The following SORL1 variants were observed in gnomAD, a reference collection of about 807,000 sequenced individuals.
The protein encoded by SORL1 is sortilin-related receptor.
A neutral mutation model predicts 273.7 loss-of-function variants in SORL1; 127 were observed. The observed-to-expected ratio is 0.46, with a 90% CI of 0.40 to 0.54. The LOEUF (loss-of-function observed/expected upper bound fraction) is 0.54. Among genes scored for constraint, SORL1 ranks in the 20% least tolerant of loss-of-function variants. The pLI is 0.00. For synonymous variants in SORL1, 1,031 were observed against 1,067.4 expected, an observed-to-expected ratio of 0.97 and a Z score of 0.66; for missense variants, 2,494 against 2,846.1, an observed-to-expected ratio of 0.88 and a Z score of 2.81.
At chr11:121,620,876 A>G (rs894140597) in intron 43 of SORL1, among the ~76,000 whole-genome samples, 188 bp from the exon 44 acceptor site, 6 of 152,212 alleles carry the variant, frequency 3.9e-5, no homozygotes, top group Non-Finnish European at 8.8e-5. Context: ...CTATGAGTGA[A>G]TAGTTATTTT....
chr11:121,632,749 G>C lies in SORL1; in HGVS notation c.*3186G>C, dbSNP rs922265075. 6.6e-6 allele frequency: 1 copy of C among 152,074 alleles called. No individual in the cohort carries two copies. The highest frequency in any genetic ancestry group is 1.5e-5 in the Non-Finnish European group (1 of 68,030). The allele number at this position is 152,074 out of a possible 1,614,324, so 9.4% of individuals were successfully genotyped here. A position where few individuals can be genotyped will look rare whatever the true frequency, so the allele number is the denominator to read the frequency against. On this transcript the variant is annotated 3_prime_UTR_variant, in exon 48 of 48. Coordinates refer to ENST00000260197, the MANE Select transcript of SORL1 (RefSeq NM_003105.6). ...AATGCTGCCTTCAGATGCTTACCAA[G>C]TGGTCACTGCATCTAGTAAGATTAT...
intron 6 of SORL1, among the ~76,000 whole-genome samples, chr11:121,504,948 CAT>C (rs1436343263): frequency 6.6e-6 from 1 of 152,072 alleles, no homozygotes; most frequent in Non-Finnish European, 1.5e-5. Context: ...TTGCAATGAT[CAT>C]ATGTTTCTTT....
In SORL1 at chr11:121,588,022, C is replaced by T. The variant is rs377292128; in HGVS notation, c.3817C>T (p.Pro1273Ser). Residue 1273 changes from proline to serine, a missense_variant and splice_region_variant, in exon 28 of 48, where the codon CCC (proline) becomes TCC (serine). Around this residue, in one of 3 missense-constraint regions of SORL1, gnomAD observed 1,609 missense variants for 1,816.4 expected, o/e 0.89. Coordinates refer to ENST00000260197, the MANE Select transcript of SORL1 (RefSeq NM_003105.6). ...SDGSDEQHCEPLCTHFMDFVC... is the reference protein window; with the variant it reads ...SDGSDEQHCESLCTHFMDFVC... Reference sequence around the variant, plus strand: ...TCCCTTCTCTGGATCCCTTACAGAGCCCCTCTGTACGCACTTCATGGACTT... The same window carrying T: ...TCCCTTCTCTGGATCCCTTACAGAGTCCCTCTGTACGCACTTCATGGACTT... The T allele has an allele frequency of 5.8e-5, 94 of 1,612,758 alleles. No homozygotes were observed. Among genetic ancestry groups the T allele is most frequent in the Non-Finnish European group, 7.5e-5 (89 of 1,179,266 alleles).
rs1445714839 is a variant in SORL1, at chr11:121,522,595, G to A, written c.1414G>A (p.Gly472Ser). 6.2e-7 allele frequency: 1 copy of A among 1,613,434 alleles called. No homozygotes were observed. Among genetic ancestry groups the A allele is most frequent in the East Asian group, 2.2e-5 (1 of 44,868 alleles). ...GEKINCELSQ[G>S]CSLHLAQRLS... ...AACTTTGGTTGTATAGCTTTCCCAG[G>A]GCTGTTCCCTTCATCTGGCTCAGCG... The change falls in exon 10 of 48, where the codon GGC becomes AGC. Residue 472 changes from glycine to serine, a missense_variant. By Grantham distance (56) the Gly-to-Ser change is moderately conservative. Transcript: ENST00000260197.
In SORL1 at chr11:121,522,566, C is replaced by G. The variant is rs765073053; in HGVS notation, c.1405-20C>G. 6.3e-7 allele frequency: 1 copy of G among 1,581,640 alleles called. No individual in the cohort carries two copies. Among genetic ancestry groups the G allele is most frequent in the East Asian group, 2.2e-5 (1 of 44,726 alleles). The stretch of plus-strand genomic sequence containing the variant: ...GCATGGTATCATGTGCTGACACTGC[C>G]TGAAACTTTGGTTGTATAGCTTTCC... On this transcript the variant is annotated intron_variant, in intron 9 of 47. Coordinates refer to ENST00000260197, the MANE Select transcript of SORL1 (RefSeq NM_003105.6).
chr11:121,534,336 G>A (rs1862240804), intron 12 of SORL1, among the ~76,000 whole-genome samples: 1 of 152,194 alleles, frequency 6.6e-6, no homozygotes, highest in Non-Finnish European at 1.5e-5. Context: ...CGGTGCATAT[G>A]TGCTCAGGGA....
rs113246162 is a variant in SORL1, at chr11:121,586,313, C to T, written c.3798C>T (p.Ser1266=). The T allele has an allele frequency of 1.8e-3, 2,866 of 1,613,714 alleles. 30 individuals are homozygous for T. The African/African-American group carries it at 0.029, about 16-fold the overall frequency. The part of the protein sequence containing the change: ...CDGLRDCSDG[S]DEQHCEPLCT... ...GTCTGCGTGATTGCTCTGATGGCTC[C>T]GATGAACAGCACTGCGGTGAGTTCA... The change falls in exon 27 of 48, where the codon TCC becomes TCT. Residue 1266 remains serine, a synonymous_variant. Transcript: ENST00000260197.
intron 22 of SORL1, among the ~76,000 whole-genome samples, chr11:121,569,269 G>A (rs149808443): frequency 3.3e-5 from 5 of 152,154 alleles, no homozygotes; most frequent in South Asian, 2.1e-4. Flanking sequence ...ACAAATTGTA[G>A]AGCATGTGTG....
At chr11:121,611,026 C>T (rs1265246201) in intron 38 of SORL1, 50 bp from the exon 39 acceptor site, 2 of 1,292,822 alleles carry the variant, frequency 1.5e-6, no homozygotes, top group East Asian at 2.3e-5. Flanking sequence ...TCCTGCCTTC[C>T]TCACTTTTCA....
chr11:121,509,677 A>G (rs1026955193), intron 6 of SORL1, among the ~76,000 whole-genome samples: 6 of 152,136 alleles, frequency 3.9e-5, no homozygotes, highest in East Asian at 3.9e-4. Flanking sequence ...GGGTTTCACC[A>G]TGTCGGCCAG....
At chr11:121,460,641 C>A (rs1010841057) in intron 1 of SORL1, among the ~76,000 whole-genome samples, 1 of 152,042 alleles carries the variant, frequency 6.6e-6, no homozygotes, top group African/African-American at 2.4e-5. Flanking sequence ...CGTGATTCAC[C>A]CACCTTGGCC....
intron 3 of SORL1, among the ~76,000 whole-genome samples, chr11:121,485,672 T>C (rs1268440355): frequency 6.6e-6 from 1 of 152,172 alleles, no homozygotes; most frequent in African/African-American, 2.4e-5. Context: ...TCTGGGGAAA[T>C]CTTTTCAAAT....
chr11:121,478,892 T>TTG (rs147933674), intron 3 of SORL1, among the ~76,000 whole-genome samples: 2 of 150,212 alleles, frequency 1.3e-5, no homozygotes, highest in African/African-American at 2.5e-5. Context: ...GTGTGTGTGC[T>TTG]TGTGTGTGTG....
intron 2 of SORL1, among the ~76,000 whole-genome samples, chr11:121,476,945 C>T (rs1182703412): frequency 1.3e-5 from 2 of 151,896 alleles, no homozygotes; most frequent in Non-Finnish European, 2.9e-5. Flanking sequence ...GCTCAAACCA[C>T]CAAGCCAGGC....
chr11:121,453,852 G>T (rs995122201), intron 1 of SORL1, among the ~76,000 whole-genome samples: 4 of 152,216 alleles, frequency 2.6e-5, no homozygotes, highest in African/African-American at 9.7e-5. Context: ...AGTGACCTTT[G>T]CTTGACTGCA....
At chr11:121,597,820 G>A (rs1488755869) in intron 32 of SORL1, among the ~76,000 whole-genome samples, 1 of 152,174 alleles carries the variant, frequency 6.6e-6, no homozygotes, top group Non-Finnish European at 1.5e-5. Context: ...ACAGTGTGGT[G>A]TAGGCAGTAG....
intron 21 of SORL1, chr11:121,566,635 G>C (rs1411877726): frequency 1.7e-5 from 5 of 299,938 alleles, no homozygotes; most frequent in Non-Finnish European, 3.1e-5. Flanking sequence ...CCCTTTCCCT[G>C]GCTCCAGCTC....
At chr11:121,531,750 G>T (rs898073335) in intron 11 of SORL1, among the ~76,000 whole-genome samples, 1 of 152,176 alleles carries the variant, frequency 6.6e-6, no homozygotes, top group African/African-American at 2.4e-5. Context: ...TGCGACTTGC[G>T]TAAGTTCATA....
At chr11:121,601,856 T>C (rs1863397982) in intron 32 of SORL1, among the ~76,000 whole-genome samples, 1 of 152,202 alleles carries the variant, frequency 6.6e-6, no homozygotes. Context: ...AGTAGAATAC[T>C]TCTGTGATGG....
Sources: gnomAD v4.1 joint callset for allele counts (sites outside exome capture counted in the v4.1 genomes callset) on GRCh38, gnomAD v4.1.1 for gene constraint, gnomAD v4.1.1 regional missense constraint, MANE v1.5 for transcripts, NCBI Gene and HGNC (gene_info 2026-07-23, HGNC 2026-07-21) for gene names.